The following UTRN variants were observed in gnomAD, a reference collection of about 807,000 sequenced individuals.
UTRN encodes utrophin.
In UTRN, 283 loss-of-function variants were observed where a neutral mutation model predicts 463.9. The ratio of observed to expected loss-of-function variants is 0.61; its 90% CI spans 0.55 to 0.67. The LOEUF (loss-of-function observed/expected upper bound fraction) is 0.67. Ranked by LOEUF, UTRN falls within the 30% of genes least tolerant of loss-of-function variation. The pLI is 0.00. For synonymous variants in UTRN, 1,442 were observed against 1,431.5 expected, an observed-to-expected ratio of 1.01 and a Z score of -0.17; for missense variants, 3,922 against 4,084.3, an observed-to-expected ratio of 0.96 and a Z score of 1.08.
At chr6:144,633,464 C>T (rs903876194) in intron 51 of UTRN, among the ~76,000 whole-genome samples, 6 of 151,628 alleles carry the variant, frequency 4.0e-5, no homozygotes, top group African/African-American at 1.5e-4. Context: ...GATCTCCTGA[C>T]GTCGTGATCC....
intron 53 of UTRN, 40 bp from the exon 54 acceptor site, chr6:144,730,317 C>T (rs762131376): frequency 9.1e-6 from 14 of 1,530,990 alleles, no homozygotes; most frequent in East Asian, 4.9e-5. Flanking sequence ...TTGGTGAACA[C>T]GTGAGGTTAC....
chr6:144,784,454 T>G (rs1487687395), intron 61 of UTRN, among the ~76,000 whole-genome samples: 1 of 152,214 alleles, frequency 6.6e-6, no homozygotes, highest in Non-Finnish European at 1.5e-5. Flanking sequence ...TGTGTGCTCA[T>G]CTCCTCTTCC....
intron 34 of UTRN, among the ~76,000 whole-genome samples, chr6:144,508,972 T>C (rs1585060748): frequency 6.6e-6 from 1 of 152,328 alleles, no homozygotes; most frequent in East Asian, 1.9e-4. Context: ...CCATGTTTTA[T>C]AGTATATTTT....
At chr6:144,631,124 T>C (rs1399430319) in intron 51 of UTRN, among the ~76,000 whole-genome samples, 2 of 152,062 alleles carry the variant, frequency 1.3e-5, no homozygotes, top group Non-Finnish European at 2.9e-5. Context: ...CTAAGTGATA[T>C]TCCCTTCTAG....
chr6:144,847,766 A>G (rs777303921), intron 74 of UTRN, among the ~76,000 whole-genome samples: 7 of 152,186 alleles, frequency 4.6e-5, no homozygotes, highest in Non-Finnish European at 8.8e-5. Context: ...CTGGCCTTCT[A>G]TCTTTGCAAG....
rs576021081 is a variant in UTRN at position 144,646,186 on chromosome 6, A to G, written c.7480-32220A>G. Among the ~76,000 whole-genome samples, 8 of 152,292 alleles carry G rather than the reference A, an allele frequency of 5.3e-5. No homozygotes were observed. In the East Asian group the frequency reaches 9.6e-4, roughly 18 times the overall value. On this transcript the variant is annotated intron_variant, in intron 51 of 74. Coordinates refer to ENST00000367545, the MANE Select transcript of UTRN (RefSeq NM_007124.3). ...AGTGGTTACAGTGTCATGCAATTCTATTCGGCTTGAAAAGTTATTGAGGCA... is the reference window on the plus strand; with the variant it reads ...AGTGGTTACAGTGTCATGCAATTCTGTTCGGCTTGAAAAGTTATTGAGGCA...
At position 144,834,508 on chromosome 6, in the gene UTRN, C is replaced by T. The variant is rs916484287; in HGVS notation, c.9666-1272C>T. On this transcript the variant is annotated intron_variant, in intron 69 of 74. Transcript: ENST00000367545. ...TTAGGATAAACCTTTTCTAGGAATT[C>T]ACCAACTGTCTGATACAATTTCAAG... Among the ~76,000 whole-genome samples, 3 of 152,180 alleles carry T rather than the reference C, an allele frequency of 2.0e-5. No homozygotes were observed. The South Asian group carries it at 6.2e-4, about 31-fold the overall frequency.
intron 51 of UTRN, among the ~76,000 whole-genome samples, chr6:144,587,249 C>T (rs1247214994): frequency 6.6e-6 from 1 of 152,094 alleles, no homozygotes; most frequent in East Asian, 1.9e-4. Flanking sequence ...AAGTCTTCCC[C>T]GGAATACTGT....
intron 24 of UTRN, 75 bp from the exon 25 acceptor site, chr6:144,474,529 G>T: frequency 7.1e-7 from 1 of 1,416,842 alleles, no homozygotes; most frequent in South Asian, 1.4e-5. Context: ...TTTGCAGGGA[G>T]ATAAGCAGAC....
At chr6:144,458,655 A>C in intron 19 of UTRN, 115 bp from the exon 20 acceptor site, 2 of 1,272,140 alleles carry the variant, frequency 1.6e-6, no homozygotes, top group African/African-American at 1.5e-5. Flanking sequence ...GACTTAAGAA[A>C]GTGATCATTA....
intron 41 of UTRN, among the ~76,000 whole-genome samples, chr6:144,526,910 C>G (rs564211568): frequency 6.6e-6 from 1 of 152,068 alleles, no homozygotes; most frequent in African/African-American, 2.4e-5. Flanking sequence ...AGTTCTCTGC[C>G]TCAGCCTCCC....
chr6:144,331,821 A>G (rs1359561403), intron 2 of UTRN, among the ~76,000 whole-genome samples: 3 of 152,246 alleles, frequency 2.0e-5, no homozygotes, highest in African/African-American at 7.2e-5. Context: ...AATGTTTCCC[A>G]GAGAAGTGAC....
At position 144,428,889 on chromosome 6, in the gene UTRN, T is replaced by G; in HGVS notation, c.690T>G (p.Pro230=). Residue 230 remains proline (P), a synonymous_variant, in exon 8 of 75, where the codon CCT becomes CCG. Coordinates refer to ENST00000367545, the MANE Select transcript of UTRN (RefSeq NM_007124.3). The part of the protein sequence containing the change: ...TYLGIEKLLD[P]EDVAVQLPDK... ...TGGGAATTGAAAAGCTGTTAGATCC[T>G]GAAGGTATTGTCCAGTATTTAATTT... 6.3e-7 allele frequency: 1 copy of G among 1,595,796 alleles called. No individual in the cohort carries two copies. Among genetic ancestry groups the G allele is most frequent in the Non-Finnish European group, 8.6e-7 (1 of 1,168,382 alleles).
At chr6:144,444,922 C>A (rs895649580) in intron 14 of UTRN, among the ~76,000 whole-genome samples, 2 of 152,210 alleles carry the variant, frequency 1.3e-5, no homozygotes, top group Non-Finnish European at 2.9e-5. Context: ...TTGTACAAAG[C>A]TGCCACCTTA....
At chr6:144,553,094 A>G (rs1369847430) in intron 48 of UTRN, among the ~76,000 whole-genome samples, 1 of 152,112 alleles carries the variant, frequency 6.6e-6, no homozygotes, top group African/African-American at 2.4e-5. Flanking sequence ...GCTGGATGCA[A>G]TGGTGCAATC....
intron 52 of UTRN, among the ~76,000 whole-genome samples, chr6:144,689,069 GCT>G (rs1489722164): frequency 3.9e-5 from 6 of 152,156 alleles, no homozygotes; most frequent in Non-Finnish European, 8.8e-5. Context: ...CAGTTTCCTG[GCT>G]ATTCAGATGA....
chr6:144,729,969 T>G (rs1788342407), intron 53 of UTRN, among the ~76,000 whole-genome samples: 1 of 152,248 alleles, frequency 6.6e-6, no homozygotes, highest in African/African-American at 2.4e-5. Context: ...TTTCTCTGTA[T>G]CATTGGATGT....
chr6:144,579,970 T>C (rs1024866492), intron 51 of UTRN, among the ~76,000 whole-genome samples: 1 of 152,212 alleles, frequency 6.6e-6, no homozygotes, highest in African/African-American at 2.4e-5. Flanking sequence ...TTAAAAAAGT[T>C]CCATGGTTTT....
chr6:144,426,246 T>C lies in UTRN; in HGVS notation c.406-41T>C, dbSNP rs777461161. On this transcript the variant is annotated intron_variant, in intron 6 of 74. Transcript: ENST00000367545. ...ATTGAAGTAAGTTGAAGTAAATTAC[T>C]GAAGTATTAGTTATGGACAGGCCTG... 16 of 1,564,748 alleles carry C rather than the reference T, an allele frequency of 1.0e-5. No homozygotes were observed. In the South Asian group the frequency reaches 1.8e-4, roughly 17 times the overall value.
Sources: gnomAD v4.1 joint callset for allele counts (sites outside exome capture counted in the v4.1 genomes callset) on GRCh38, gnomAD v4.1.1 for gene constraint, MANE v1.5 for transcripts, NCBI Gene and HGNC (gene_info 2026-07-23, HGNC 2026-07-21) for gene names.